Variants in HS6ST3 observed in about 807,000 individuals in gnomAD.
HS6ST3 encodes heparan sulfate 6-O-sulfotransferase 3.
A neutral mutation model predicts 36.7 loss-of-function variants in HS6ST3; 12 were observed. The observed-to-expected ratio is 0.33, with a 90% CI of 0.21 to 0.53. HS6ST3 has a LOEUF of 0.53. HS6ST3 is among the 20% of genes least tolerant of loss of function. The pLI, the probability that HS6ST3 is intolerant of heterozygous loss-of-function variation, is 0.95. For missense variants in HS6ST3, 584 were observed against 640.9 expected, an observed-to-expected ratio of 0.91 and a Z score of 0.96; for synonymous variants, 240 against 257.5, an observed-to-expected ratio of 0.93 and a Z score of 0.65.
rs1263590284 is a variant in HS6ST3, at chr13:96,164,961, C to G, written c.707+73392C>G. On this transcript the variant is annotated intron_variant, in intron 1 of 1. Transcript: ENST00000376705. ...TCTTTCTTTCTGATTCAGTGGAGTT[C>G]TCCAGTAAGATAGTTAAAACCCATT... Among the ~76,000 whole-genome samples, 4 of 151,954 alleles carry G rather than the reference C, an allele frequency of 2.6e-5. No homozygotes were observed. The East Asian group carries it at 7.7e-4, about 29-fold the overall frequency.
intron 1 of HS6ST3, among the ~76,000 whole-genome samples, chr13:96,695,735 C>G (rs1875109929): frequency 6.6e-6 from 1 of 151,880 alleles, no homozygotes; most frequent in African/African-American, 2.4e-5. Flanking sequence ...CCATACCCAG[C>G]CAGTATGTAC....
intron 1 of HS6ST3, among the ~76,000 whole-genome samples, chr13:96,129,215 A>C (rs2053965275): frequency 6.6e-6 from 1 of 152,168 alleles, no homozygotes; most frequent in South Asian, 2.1e-4. Flanking sequence ...TCTCAATCAA[A>C]GCTGTTTCTT....
chr13:96,705,156 C>G (rs564130942), intron 1 of HS6ST3, among the ~76,000 whole-genome samples: 40 of 152,252 alleles, frequency 2.6e-4, no homozygotes, highest in African/African-American at 9.1e-4. Flanking sequence ...CATTTACATT[C>G]AGGCTCCCTC....
chr13:96,561,918 C>T (rs2056263822), intron 1 of HS6ST3, among the ~76,000 whole-genome samples: 1 of 152,136 alleles, frequency 6.6e-6, no homozygotes, highest in Non-Finnish European at 1.5e-5. Flanking sequence ...AATGCTTACA[C>T]AGTGTTGGTG....
At chr13:96,182,265 A>G (rs1017213571) in intron 1 of HS6ST3, among the ~76,000 whole-genome samples, 9 of 152,220 alleles carry the variant, frequency 5.9e-5, no homozygotes, top group African/African-American at 2.2e-4. Flanking sequence ...CTAAAATAAT[A>G]TTGAACCCTG....
At chr13:96,519,673 C>T (rs1468179797) in intron 1 of HS6ST3, among the ~76,000 whole-genome samples, 1 of 152,204 alleles carries the variant, frequency 6.6e-6, no homozygotes, top group Non-Finnish European at 1.5e-5. Flanking sequence ...ACTTTGGAAT[C>T]AGGACAAATG....
intron 1 of HS6ST3, among the ~76,000 whole-genome samples, chr13:96,354,586 T>G (rs1056654669): frequency 2.0e-5 from 3 of 152,176 alleles, no homozygotes; most frequent in African/African-American, 7.2e-5. Flanking sequence ...AATTTATGTC[T>G]GGCCCCATGA....
chr13:96,445,988 C>T lies in HS6ST3; in HGVS notation c.707+354419C>T, dbSNP rs574898121. Among the ~76,000 whole-genome samples, 13 of 152,040 alleles carry T rather than the reference C, an allele frequency of 8.6e-5. No homozygotes were observed. In the East Asian group the frequency reaches 1.4e-3, roughly 16 times the overall value. The stretch of plus-strand genomic sequence containing the variant: ...GAGATTGAGACCATTCTGGCTAACA[C>T]GGTGAAACCCCGTCTCTACTAAAAA... On this transcript the variant is annotated intron_variant, in intron 1 of 1. Coordinates refer to ENST00000376705, the MANE Select transcript of HS6ST3 (RefSeq NM_153456.4).
At chr13:96,212,552 T>C (rs1488711759) in intron 1 of HS6ST3, among the ~76,000 whole-genome samples, 3 of 152,210 alleles carry the variant, frequency 2.0e-5, no homozygotes, top group Non-Finnish European at 2.9e-5. Flanking sequence ...GGTTTGAAAG[T>C]TGGAAGTCCA....
intron 1 of HS6ST3, among the ~76,000 whole-genome samples, chr13:96,699,066 G>C (rs1465962614): frequency 6.6e-6 from 1 of 152,124 alleles, no homozygotes; most frequent in Non-Finnish European, 1.5e-5. Flanking sequence ...GCTGAAAGTG[G>C]ATCCCTTCCT....
Position 96,606,552 on chromosome 13 carries a change from A to G in HS6ST3, c.708-225938A>G, listed in dbSNP as rs1243487175. 3.4e-5 allele frequency among the ~76,000 whole-genome samples: 5 copies of G among 145,730 alleles called. No homozygotes were observed. The Admixed American group carries it at 3.5e-4, about 10-fold the overall frequency. The stretch of plus-strand genomic sequence containing the variant: ...ACACATGGACATAGAGTTGGGAGCA[A>G]TAGATACTAGAGACTGCTGGAGGAG... On this transcript the variant is annotated intron_variant, in intron 1 of 1. Coordinates refer to ENST00000376705, the MANE Select transcript of HS6ST3 (RefSeq NM_153456.4).
rs538012620 is a variant in HS6ST3 at position 96,801,308 on chromosome 13, C to A, written c.708-31182C>A. 9.9e-5 allele frequency among the ~76,000 whole-genome samples: 15 copies of A among 152,164 alleles called. No homozygotes were observed. The East Asian group carries it at 2.9e-3, about 29-fold the overall frequency. On this transcript the variant is annotated intron_variant, in intron 1 of 1. Transcript: ENST00000376705. ...AGTATCTTCCCTCAGATTTCATGTT[C>A]CTAAGAGATCAGATAAAAATACTCT... is the stretch of plus-strand genomic sequence containing the variant.
intron 1 of HS6ST3, among the ~76,000 whole-genome samples, chr13:96,651,305 G>T (rs2056606311): frequency 6.6e-6 from 1 of 151,290 alleles, no homozygotes. Flanking sequence ...GTTCTTTTTT[G>T]CCCACTTCTG....
At chr13:96,743,314 G>A (rs183636839) in intron 1 of HS6ST3, among the ~76,000 whole-genome samples, 1 of 152,024 alleles carries the variant, frequency 6.6e-6, no homozygotes, top group East Asian at 1.9e-4. Flanking sequence ...AACATTGAGG[G>A]GTCCAAATTT....
At chr13:96,346,582 ATAATAAT>A (rs1566333066) in intron 1 of HS6ST3, among the ~76,000 whole-genome samples, 1 of 142,402 alleles carries the variant, frequency 7.0e-6, no homozygotes, top group East Asian at 2.1e-4. Flanking sequence ...CAAAAAAAAA[ATAATAAT>A]AATAATAATA....
intron 1 of HS6ST3, among the ~76,000 whole-genome samples, chr13:96,669,759 T>G (rs1489083346): frequency 2.0e-5 from 3 of 152,162 alleles, no homozygotes; most frequent in Admixed American, 6.6e-5. Flanking sequence ...GTAAAAGAAC[T>G]ACGTAATAAA....
chr13:96,622,429 TTCTC>T (rs1469835419), intron 1 of HS6ST3, among the ~76,000 whole-genome samples: 1 of 152,214 alleles, frequency 6.6e-6, no homozygotes, highest in Non-Finnish European at 1.5e-5. Context: ...TTTTTTTACT[TTCTC>T]AGTCTGACTA....
chr13:96,496,276 G>A (rs929029242), intron 1 of HS6ST3, among the ~76,000 whole-genome samples: 2 of 152,126 alleles, frequency 1.3e-5, no homozygotes, highest in Admixed American at 1.3e-4. Context: ...GGGGAGAGAA[G>A]GTCTGAAGTT....
intron 1 of HS6ST3, among the ~76,000 whole-genome samples, chr13:96,313,709 G>A (rs755632381): frequency 2.0e-5 from 3 of 152,014 alleles, no homozygotes; most frequent in Non-Finnish European, 4.4e-5. Context: ...TATCTTCTTA[G>A]CTTAAGTCAC....
Sources: gnomAD v4.1 joint callset for allele counts (sites outside exome capture counted in the v4.1 genomes callset) on GRCh38, gnomAD v4.1.1 for gene constraint, MANE v1.5 for transcripts, NCBI Gene and HGNC (gene_info 2026-07-23, HGNC 2026-07-21) for gene names.